The following GRIK2 variants were observed in gnomAD, a reference collection of about 807,000 sequenced individuals.
GRIK2 encodes glutamate receptor ionotropic, kainate 2.
In GRIK2, 32 loss-of-function variants were observed where a neutral mutation model predicts 100.3. The ratio of observed to expected loss-of-function variants is 0.32; its 90% CI spans 0.24 to 0.43. The LOEUF (loss-of-function observed/expected upper bound fraction) is 0.43, where lower values mean the gene tolerates loss of function less well. Ranked by LOEUF, GRIK2 falls within the 20% of genes least tolerant of loss-of-function variation. The probability of loss-of-function intolerance (pLI) is 1.00; values close to 1 mark genes in which losing one functional copy is unlikely to be tolerated. For synonymous variants in GRIK2, 417 were observed against 389.4 expected, an observed-to-expected ratio of 1.07 and a Z score of -0.83; for missense variants, 843 against 1,114.9, an observed-to-expected ratio of 0.76 and a Z score of 3.47.
intron 10 of GRIK2, among the ~76,000 whole-genome samples, chr6:101,838,416 A>G (rs1050410514): frequency 2.6e-5 from 4 of 152,172 alleles, no homozygotes; most frequent in Non-Finnish European, 5.9e-5. Context: ...GTAACTCTAT[A>G]TATTTTCAAT....
intron 2 of GRIK2, among the ~76,000 whole-genome samples, chr6:101,536,577 T>C (rs140594033): frequency 0.017 from 2,643 of 151,794 alleles, 40 homozygotes; most frequent in Non-Finnish European, 0.024. Context: ...TTAAGACTTA[T>C]AGTAAAAATT....
intron 15 of GRIK2, among the ~76,000 whole-genome samples, chr6:102,049,459 G>A (rs891972228): frequency 3.9e-5 from 6 of 152,040 alleles, no homozygotes; most frequent in Non-Finnish European, 8.8e-5. Flanking sequence ...ATTAATAAGC[G>A]AGAGGGAAAA....
Position 101,578,883 on chromosome 6 carries a change from C to G in GRIK2, c.116-43066C>G, listed in dbSNP as rs1055144385. Among the ~76,000 whole-genome samples the G allele has an allele frequency of 3.0e-4, 46 of 152,232 alleles. 2 individuals are homozygous for G. Among genetic ancestry groups the G allele is most frequent in the Middle Eastern group, 3.4e-3 (1 of 294 alleles). ...CCATCCATTGAGATGCAAAATAAAA[C>G]AGTTTTCAAAAGCAATTCTGAAGCC... is the stretch of plus-strand genomic sequence containing the variant. On this transcript the variant is annotated intron_variant, in intron 2 of 16. Transcript: ENST00000369134.
intron 10 of GRIK2, 67 bp from the exon 11 acceptor site, chr6:101,859,220 G>A (rs545949627): frequency 3.8e-6 from 3 of 792,218 alleles, no homozygotes; most frequent in East Asian, 4.9e-5. Flanking sequence ...TCTAAGAAAA[G>A]CAATAATTCT....
intron 14 of GRIK2, among the ~76,000 whole-genome samples, chr6:101,988,157 G>A (rs1258037783): frequency 1.9e-4 from 5 of 25,748 alleles, no homozygotes; most frequent in East Asian, 1.3e-3. Context: ...GCGCGCGCGT[G>A]CGCGCACATG....
intron 7 of GRIK2, among the ~76,000 whole-genome samples, chr6:101,725,262 T>C (rs554592078): frequency 2.0e-5 from 3 of 152,138 alleles, no homozygotes; most frequent in South Asian, 2.1e-4. Context: ...AGCAACACCA[T>C]TGGGAAAACA....
At chr6:102,006,792 G>A (rs1048166232) in intron 14 of GRIK2, among the ~76,000 whole-genome samples, 13 of 151,644 alleles carry the variant, frequency 8.6e-5, no homozygotes, top group Admixed American at 8.6e-4. Flanking sequence ...TTATATATTT[G>A]CAAGTTCTAA....
chr6:101,834,366 AT>A (rs1203909313), intron 10 of GRIK2, among the ~76,000 whole-genome samples: 1 of 150,790 alleles, frequency 6.6e-6, no homozygotes, highest in Non-Finnish European at 1.5e-5. Context: ...TTTTCTTATT[AT>A]TTTTCTTTCT....
rs950971680 is a variant in GRIK2 at position 101,982,354 on chromosome 6, G to A, written c.2086-52987G>A. 2.6e-5 allele frequency among the ~76,000 whole-genome samples: 4 copies of A among 151,970 alleles called. No individual in the cohort carries two copies. In the East Asian group the frequency reaches 7.8e-4, roughly 30 times the overall value. The stretch of plus-strand genomic sequence containing the variant: ...TCTGGTAAAAATAAAATTATATGGA[G>A]TTAAGTGACAACTCTGTGCTTTTTG... On this transcript the variant is annotated intron_variant, in intron 14 of 16. Transcript: ENST00000369134.
intron 9 of GRIK2, among the ~76,000 whole-genome samples, chr6:101,817,621 T>A (rs974567293): frequency 5.9e-5 from 9 of 152,212 alleles, no homozygotes; most frequent in African/African-American, 1.9e-4. Context: ...TGTGCTTACG[T>A]GTTTCTTCTG....
At chr6:101,516,613 C>A (rs1460527143) in intron 2 of GRIK2, among the ~76,000 whole-genome samples, 2 of 152,030 alleles carry the variant, frequency 1.3e-5, no homozygotes, top group Non-Finnish European at 2.9e-5. Flanking sequence ...GGACTTAAAC[C>A]TAAGACCTGA....
At chr6:101,578,024 C>T (rs1777871561) in intron 2 of GRIK2, among the ~76,000 whole-genome samples, 1 of 152,170 alleles carries the variant, frequency 6.6e-6, no homozygotes, top group African/African-American at 2.4e-5. Flanking sequence ...GATGACACTC[C>T]AAACCCAATT....
At chr6:101,626,778 A>G in intron 4 of GRIK2, 141 bp downstream of exon 4, 1 of 647,248 alleles carries the variant, frequency 1.5e-6, no homozygotes, top group Non-Finnish European at 2.6e-6. Context: ...ACAGAATCAA[A>G]CACCAATCCT....
At chr6:101,881,941 A>G (rs928065547) in intron 11 of GRIK2, among the ~76,000 whole-genome samples, 2 of 152,126 alleles carry the variant, frequency 1.3e-5, no homozygotes, top group Non-Finnish European at 2.9e-5. Context: ...TAATTCATAA[A>G]GAAAAAGTAG....
At chr6:101,666,574 G>C (rs2254676) in intron 4 of GRIK2, among the ~76,000 whole-genome samples, 141,348 of 152,332 alleles carry the variant, frequency 0.93, 65,670 homozygotes, top group African/African-American at 0.97. Flanking sequence ...ATAGGACATG[G>C]CAAAGGCTTA....
chr6:101,716,105 A>G (rs1413704170), intron 7 of GRIK2, among the ~76,000 whole-genome samples: 1 of 151,718 alleles, frequency 6.6e-6, no homozygotes, highest in Non-Finnish European at 1.5e-5. Context: ...CTGAGCGTCT[A>G]TGAATAAACC....
intron 7 of GRIK2, among the ~76,000 whole-genome samples, chr6:101,783,154 G>A (rs757776419): frequency 5.3e-5 from 8 of 152,064 alleles, no homozygotes; most frequent in African/African-American, 1.7e-4. Flanking sequence ...CAGTGCACCC[G>A]GCCTCAAATC....
At chr6:102,049,425 TAAAAG>T (rs1482027524) in intron 15 of GRIK2, among the ~76,000 whole-genome samples, 3 of 152,206 alleles carry the variant, frequency 2.0e-5, no homozygotes, top group Middle Eastern at 3.4e-3. Context: ...AAATTGAATT[TAAAAG>T]AAAAGAATTT....
chr6:101,711,900 C>T (rs1050876497), intron 7 of GRIK2, among the ~76,000 whole-genome samples: 11 of 151,620 alleles, frequency 7.3e-5, no homozygotes, highest in African/African-American at 4.8e-5. Context: ...TGGCATTATA[C>T]GTGACATTTA....
Sources: allele counts gnomAD v4.1 joint callset (sites outside exome capture counted in the v4.1 genomes callset), GRCh38; gene constraint gnomAD v4.1.1; transcripts MANE v1.5; gene names NCBI Gene and HGNC (gene_info 2026-07-23, HGNC 2026-07-21).